ATP9B: variants seen among roughly 807,000 people sequenced by gnomAD.
ATP9B encodes probable phospholipid-transporting ATPase IIB.
ATP9B carries 110 observed loss-of-function variants against 146.1 expected under a neutral mutation model. That is an observed-to-expected ratio of 0.75 (90% CI 0.65 to 0.88). ATP9B has a LOEUF of 0.88. Among genes scored for constraint, ATP9B ranks in the 40% least tolerant of loss-of-function variants. The pLI is 0.00. For missense variants in ATP9B, 1,499 were observed against 1,496.4 expected, an observed-to-expected ratio of 1.00 and a Z score of -0.03; for synonymous variants, 604 against 569.7, an observed-to-expected ratio of 1.06 and a Z score of -0.86.
chr18:79,222,220 G>A (rs2095686966), intron 11 of ATP9B, among the ~76,000 whole-genome samples: 1 of 152,076 alleles, frequency 6.6e-6, no homozygotes, highest in Non-Finnish European at 1.5e-5. Flanking sequence ...TTAGCCGGGC[G>A]TGGTGGCAGG....
intron 5 of ATP9B, among the ~76,000 whole-genome samples, chr18:79,139,189 A>T (rs1161808206): frequency 6.6e-6 from 1 of 152,212 alleles, no homozygotes; most frequent in East Asian, 1.9e-4. Context: ...TTAATCCGTT[A>T]TGACATTGAC....
At chr18:79,087,002 A>C (rs1055020171) in intron 1 of ATP9B, among the ~76,000 whole-genome samples, 1 of 152,118 alleles carries the variant, frequency 6.6e-6, no homozygotes, top group African/African-American at 2.4e-5. Context: ...AGGATATCTG[A>C]GACTAGATAA....
At chr18:79,071,030 C>G (rs1196455915) in intron 1 of ATP9B, among the ~76,000 whole-genome samples, 1 of 138,106 alleles carries the variant, frequency 7.2e-6, no homozygotes, top group Non-Finnish European at 1.5e-5. Context: ...TCTTCTGATT[C>G]TCATTCTGAT....
chr18:79,101,783 A>G (rs1040662594), intron 2 of ATP9B, among the ~76,000 whole-genome samples: 1 of 152,034 alleles, frequency 6.6e-6, no homozygotes, highest in Non-Finnish European at 1.5e-5. Context: ...TCTTTTTGCC[A>G]TTTGTGTACT....
At chr18:79,368,615 G>C (rs2097049731) in intron 26 of ATP9B, among the ~76,000 whole-genome samples, 1 of 152,118 alleles carries the variant, frequency 6.6e-6, no homozygotes, top group Non-Finnish European at 1.5e-5. Context: ...TATATTCTAA[G>C]AGATGTATTT....
intron 13 of ATP9B, among the ~76,000 whole-genome samples, chr18:79,291,775 G>A (rs1048519298): frequency 4.6e-5 from 7 of 152,188 alleles, no homozygotes; most frequent in East Asian, 1.9e-4. Context: ...AAGATACCAC[G>A]CATTTGTTTA....
At chr18:79,155,611 ACT>A (rs1243531135) in intron 7 of ATP9B, among the ~76,000 whole-genome samples, 3 of 151,866 alleles carry the variant, frequency 2.0e-5, no homozygotes, top group Non-Finnish European at 4.4e-5. Context: ...TTTATTAAAA[ACT>A]CATCATATAT....
At chr18:79,299,573 C>T (rs2096576187) in intron 13 of ATP9B, among the ~76,000 whole-genome samples, 1 of 152,226 alleles carries the variant, frequency 6.6e-6, no homozygotes, top group Non-Finnish European at 1.5e-5. Context: ...CAGCCTCTCT[C>T]CCTGTTATGC....
At chr18:79,288,585 CTT>C (rs1246683125) in intron 13 of ATP9B, among the ~76,000 whole-genome samples, 5 of 151,988 alleles carry the variant, frequency 3.3e-5, no homozygotes, top group Non-Finnish European at 5.9e-5. Flanking sequence ...CAGTCTGTGT[CTT>C]TTAATTGGAG....
intron 15 of ATP9B, among the ~76,000 whole-genome samples, chr18:79,309,694 C>G (rs1312081566): frequency 1.3e-5 from 2 of 151,984 alleles, no homozygotes; most frequent in South Asian, 2.1e-4. Flanking sequence ...GAGGAGTGAT[C>G]CCCAGCAGGT....
At chr18:79,294,422 G>A (rs1333437642) in intron 13 of ATP9B, among the ~76,000 whole-genome samples, 3 of 152,196 alleles carry the variant, frequency 2.0e-5, no homozygotes, top group Non-Finnish European at 4.4e-5. Context: ...ACCTTGCCTC[G>A]CCAGCCTTGC....
In ATP9B at chr18:79,133,247, A is replaced by G. The variant is rs188229417; in HGVS notation, c.667+6872A>G. On this transcript the variant is annotated intron_variant, in intron 5 of 29. Coordinates refer to ENST00000426216, the MANE Select transcript of ATP9B (RefSeq NM_198531.5). The stretch of plus-strand genomic sequence containing the variant: ...TTCCGTGGTCTGACACCTGAGCAGC[A>G]TTTGAAAAGGATCCATCCCAGTATT... Among the ~76,000 whole-genome samples the G allele has an allele frequency of 3.7e-3, 559 of 152,240 alleles. 2 individuals carry two copies. Among genetic ancestry groups the G allele is most frequent in the African/African-American group, 0.013 (529 of 41,538 alleles).
At chr18:79,249,926 A>G (rs1334563153) in intron 11 of ATP9B, among the ~76,000 whole-genome samples, 1 of 152,234 alleles carries the variant, frequency 6.6e-6, no homozygotes, top group African/African-American at 2.4e-5. Context: ...AACAACAGTC[A>G]TAGTTCAGAA....
intron 9 of ATP9B, among the ~76,000 whole-genome samples, chr18:79,195,784 G>A (rs187852530): frequency 3.7e-4 from 57 of 152,290 alleles, no homozygotes; most frequent in African/African-American, 1.0e-3. Flanking sequence ...AGATAGGGAG[G>A]TTGTAAAGAA....
At chr18:79,298,190 G>A (rs912605354) in intron 13 of ATP9B, among the ~76,000 whole-genome samples, 1 of 146,702 alleles carries the variant, frequency 6.8e-6, no homozygotes, top group African/African-American at 2.5e-5. Flanking sequence ...GTCCCTGTCT[G>A]CAGATGGAAT....
chr18:79,376,094 G>C (rs1175304838), intron 29 of ATP9B: 1 of 984,630 alleles, frequency 1.0e-6, no homozygotes, highest in Non-Finnish European at 1.2e-6. Flanking sequence ...AGACCGGTCT[G>C]AGTATTTGTG....
At chr18:79,089,329 C>T (rs1271563323) in intron 1 of ATP9B, among the ~76,000 whole-genome samples, 2 of 152,206 alleles carry the variant, frequency 1.3e-5, no homozygotes, top group African/African-American at 4.8e-5. Context: ...CAATAGCCTT[C>T]CATTACACTT....
chr18:79,307,247 A>C lies in ATP9B; in HGVS notation c.1773+13A>C, dbSNP rs756936195. The C allele has an allele frequency of 6.2e-7, 1 of 1,613,870 alleles. No individual in the cohort carries two copies. Among genetic ancestry groups the C allele is most frequent in the Non-Finnish European group, 8.5e-7 (1 of 1,179,862 alleles). The stretch of plus-strand genomic sequence containing the variant: ...CAGCCCGGATGAGGTCAGTCAAAGC[A>C]CAAAACCGTGGGAGCTTGTCCGTTC... On this transcript the variant is annotated intron_variant, in intron 15 of 29. Transcript: ENST00000426216.
rs539330427 is a variant in ATP9B at position 79,299,408 on chromosome 18, G to A, written c.1412-4196G>A. On this transcript the variant is annotated intron_variant, in intron 13 of 29. Transcript: ENST00000426216. ...ACATACAGTTCCCTCTTCCTGGAGC[G>A]CTTCTCTTGTGGAAACCACTAGTAA... Among the ~76,000 whole-genome samples, 7 of 152,256 alleles carry A rather than the reference G, an allele frequency of 4.6e-5. No homozygotes were observed. In the East Asian group the frequency reaches 5.8e-4, roughly 13 times the overall value.
Sources: gnomAD v4.1 joint callset for allele counts (sites outside exome capture counted in the v4.1 genomes callset) on GRCh38, gnomAD v4.1.1 for gene constraint, MANE v1.5 for transcripts, NCBI Gene and HGNC (gene_info 2026-07-23, HGNC 2026-07-21) for gene names.